The following WHRN variants were observed in gnomAD, a reference collection of about 807,000 sequenced individuals.
The protein encoded by WHRN is CASK-interacting protein CIP98.
A neutral mutation model predicts 68.3 loss-of-function variants in WHRN; 41 were observed. That is an observed-to-expected ratio of 0.60 (90% CI 0.47 to 0.78). The LOEUF (loss-of-function observed/expected upper bound fraction) is 0.78. WHRN is among the 30% of genes least tolerant of loss of function. WHRN has a pLI of 0.00. For missense variants in WHRN, 1,243 were observed against 1,244.7 expected, an observed-to-expected ratio of 1.00 and a Z score of 0.02; for synonymous variants, 560 against 561.3, an observed-to-expected ratio of 1.00 and a Z score of 0.03.
intron 3 of WHRN, among the ~76,000 whole-genome samples, chr9:114,432,534 C>T (rs929803721): frequency 2.6e-5 from 4 of 152,182 alleles, no homozygotes; most frequent in African/African-American, 9.7e-5. Flanking sequence ...TGAGCACAGA[C>T]CCAGGAGTCT....
Position 114,402,748 on chromosome 9 carries a change from T to C in WHRN, c.*6A>G. The C allele has an allele frequency of 6.2e-7, 1 of 1,613,786 alleles. No homozygotes were observed. The highest frequency in any genetic ancestry group is 8.5e-7 in the Non-Finnish European group (1 of 1,180,008). On this transcript the variant is annotated 3_prime_UTR_variant, in exon 12 of 12. Transcript: ENST00000362057. Reference sequence around the variant, plus strand: ...GCAGTGGTGGGAGGCCCTCAGGCCTTGGCCTCTAGAGCATCACATTGAACT... The same window carrying C: ...GCAGTGGTGGGAGGCCCTCAGGCCTCGGCCTCTAGAGCATCACATTGAACT...
chr9:114,456,309 G>A (rs549842519), intron 3 of WHRN, among the ~76,000 whole-genome samples: 2 of 152,284 alleles, frequency 1.3e-5, no homozygotes, highest in South Asian at 2.1e-4. Context: ...GAGGGGGCAC[G>A]TGTCGGGCAC....
Position 114,406,641 on chromosome 9 carries a change from G to A in WHRN, c.1950C>T (p.Ile650=). The A allele has an allele frequency of 4.3e-6, 7 of 1,612,988 alleles. No homozygotes were observed. Among genetic ancestry groups the A allele is most frequent in the Non-Finnish European group, 5.9e-6 (7 of 1,179,282 alleles). Residue 650 remains isoleucine, a synonymous_variant, in exon 9 of 12, where the codon ATC becomes ATT. Transcript: ENST00000362057. ...GGTTGGCAGGGGAGACGGAGGCATA[G>A]ATGGGGGAAGAGGGCAAGTCCTGTG... The part of the protein sequence containing the change: ...SSAQDLPSSP[I]YASVSPANPS...
At chr9:114,438,136 G>A (rs1300505390) in intron 3 of WHRN, among the ~76,000 whole-genome samples, 1 of 152,158 alleles carries the variant, frequency 6.6e-6, no homozygotes, top group Non-Finnish European at 1.5e-5. Context: ...CTGGGAGGCT[G>A]AAATGGGAGG....
chr9:114,424,568 G>A, intron 5 of WHRN, 22 bp from the exon 6 acceptor site: 4 of 1,591,696 alleles, frequency 2.5e-6, no homozygotes, highest in Admixed American at 1.8e-5. Context: ...AAAGATAGAA[G>A]CCCAGGAATT....
chr9:114,403,407 G>A (rs557389103), intron 10 of WHRN, 68 bp from the exon 11 acceptor site: 25 of 1,604,522 alleles, frequency 1.6e-5, no homozygotes, highest in Middle Eastern at 1.8e-4. Flanking sequence ...GGGCTGGGCC[G>A]GGCCGTGACA....
chr9:114,433,160 A>G (rs983852279), intron 3 of WHRN, among the ~76,000 whole-genome samples: 1 of 152,138 alleles, frequency 6.6e-6, no homozygotes, highest in African/African-American at 2.4e-5. Context: ...CCCTTCCTCT[A>G]CTTCTTACCC....
intron 9 of WHRN, among the ~76,000 whole-genome samples, chr9:114,405,091 T>C (rs953489717): frequency 3.5e-5 from 4 of 115,836 alleles, no homozygotes; most frequent in African/African-American, 1.2e-4. Flanking sequence ...TTTTTTTTTT[T>C]TGAGACAGAT....
intron 2 of WHRN, among the ~76,000 whole-genome samples, chr9:114,474,116 C>T (rs765165160): frequency 6.6e-6 from 1 of 152,184 alleles, no homozygotes; most frequent in Non-Finnish European, 1.5e-5. Context: ...GAAATGAGTT[C>T]ACCCCACTCA....
chr9:114,442,028 C>T (rs975838600), intron 3 of WHRN, among the ~76,000 whole-genome samples: 4 of 152,192 alleles, frequency 2.6e-5, no homozygotes, highest in Admixed American at 6.5e-5. Flanking sequence ...TGCCAAAATG[C>T]ATAAACTAAT....
chr9:114,406,469 GTGAT>G lies in WHRN; in HGVS notation c.2118_2121del (p.Ser707ProfsTer31). 6.2e-7 allele frequency: 1 copy of G among 1,614,148 alleles called. No individual in the cohort carries two copies. The highest frequency in any genetic ancestry group is 1.3e-5 in the African/African-American group (1 of 75,068). On this transcript the variant is annotated frameshift_variant, in exon 9 of 12. Coordinates refer to ENST00000362057, the MANE Select transcript of WHRN (RefSeq NM_015404.4). LOFTEE classifies it high-confidence loss of function. ...CCTGTCTGGTCTGGGTGGCCAGAGGGTGATGGGGGCAGAAGGCAGCCCCCAGCCA... is the reference window on the plus strand; with the variant it reads ...CCTGTCTGGTCTGGGTGGCCAGAGGGGGGGGCAGAAGGCAGCCCCCAGCCA...
chr9:114,458,701 C>A (rs936558754), intron 3 of WHRN, among the ~76,000 whole-genome samples: 1 of 152,028 alleles, frequency 6.6e-6, no homozygotes, highest in Non-Finnish European at 1.5e-5. Flanking sequence ...ATGGACAGAG[C>A]GAGCATCAGC....
intron 1 of WHRN, chr9:114,503,606 G>T (rs1206317150): frequency 2.6e-5 from 4 of 153,106 alleles, no homozygotes; most frequent in African/African-American, 7.2e-5. Context: ...TTCCAAAAAG[G>T]TTAGGGACCG....
chr9:114,481,878 G>C (rs994399910), intron 1 of WHRN, among the ~76,000 whole-genome samples: 2 of 152,144 alleles, frequency 1.3e-5, no homozygotes, highest in Non-Finnish European at 2.9e-5. Flanking sequence ...TGAGGAACAA[G>C]GCATTGCCTG....
chr9:114,429,000 G>A (rs151131784), intron 3 of WHRN, among the ~76,000 whole-genome samples: 139 of 151,764 alleles, frequency 9.2e-4, no homozygotes, highest in Admixed American at 2.2e-3. Flanking sequence ...GCGCAATCTC[G>A]GCTCACTGCA....
intron 3 of WHRN, among the ~76,000 whole-genome samples, chr9:114,436,592 G>A (rs1837871754): frequency 1.3e-5 from 2 of 152,162 alleles, no homozygotes; most frequent in Admixed American, 1.3e-4. Flanking sequence ...ACCTTGTGGG[G>A]CCGAGGTGGG....
At chr9:114,403,448 G>A in intron 10 of WHRN, 109 bp from the exon 11 acceptor site, 1 of 1,463,936 alleles carries the variant, frequency 6.8e-7, no homozygotes, top group Non-Finnish European at 9.5e-7. Context: ...TCAGGCTCCA[G>A]CCCTGTGTCG....
chr9:114,478,697 G>C lies in WHRN; in HGVS notation c.693C>G (p.Asn231Lys), dbSNP rs779010590. 6.2e-7 allele frequency: 1 copy of C among 1,612,960 alleles called. No individual in the cohort carries two copies. The highest frequency in any genetic ancestry group is 1.7e-5 in the Admixed American group (1 of 60,006). Residue 231 changes from asparagine to lysine, a missense_variant, in exon 2 of 12, where the codon AAC (asparagine) becomes AAG (lysine). By Grantham distance (94) the Asn-to-Lys change is moderately conservative. Transcript: ENST00000362057. The stretch of plus-strand genomic sequence containing the variant: ...GCGGGTCCACCCAGGTGTAGATGTG[G>C]TTGGTGACGTAGCCCCCAGGGATGC... Reference protein sequence around the residue: ...AGRIPGGYVTNHIYTWVDPQG... With the variant: ...AGRIPGGYVTKHIYTWVDPQG...
intron 8 of WHRN, 46 bp from the exon 9 acceptor site, chr9:114,406,938 G>A (rs1451094656): frequency 2.1e-5 from 33 of 1,547,882 alleles, no homozygotes; most frequent in Non-Finnish European, 2.5e-5. Flanking sequence ...ACCCCATCAC[G>A]CCTGGAAGAG....
Sources: allele counts gnomAD v4.1 joint callset (sites outside exome capture counted in the v4.1 genomes callset), GRCh38; gene constraint gnomAD v4.1.1; transcripts MANE v1.5; gene names NCBI Gene and HGNC (gene_info 2026-07-23, HGNC 2026-07-21).